RGS5: variants seen among roughly 807,000 people sequenced by gnomAD.
RGS5 encodes the protein regulator of G protein signaling 5.
RGS5 carries 20 observed loss-of-function variants against 18.9 expected under a neutral mutation model. The observed-to-expected ratio is 1.06, with a 90% CI of 0.74 to 1.54. The LOEUF (loss-of-function observed/expected upper bound fraction) is 1.54. Ranked by LOEUF, RGS5 falls within the 40% of genes most tolerant of loss-of-function variation. The probability of loss-of-function intolerance (pLI) is 0.00; values close to 1 mark genes in which losing one functional copy is unlikely to be tolerated. For missense variants in RGS5, 201 were observed against 211.8 expected, an observed-to-expected ratio of 0.95 and a Z score of 0.32; for synonymous variants, 57 against 76.2, an observed-to-expected ratio of 0.75 and a Z score of 1.31.
intron 2 of RGS5, among the ~76,000 whole-genome samples, chr1:163,263,127 T>C (rs1250893681): frequency 6.6e-6 from 1 of 152,186 alleles, no homozygotes; most frequent in Non-Finnish European, 1.5e-5. Context: ...TGGGCAGCTG[T>C]AACTTGCTTA....
chr1:163,201,472 T>A (rs181112776), intron 1 of RGS5, among the ~76,000 whole-genome samples: 52 of 152,278 alleles, frequency 3.4e-4, no homozygotes, highest in Non-Finnish European at 5.0e-4. Flanking sequence ...AAGTTTCTTT[T>A]ATGTAAATTT....
At chr1:163,172,159 A>T (rs1246442561) in intron 1 of RGS5, among the ~76,000 whole-genome samples, 2 of 152,192 alleles carry the variant, frequency 1.3e-5, no homozygotes, top group Non-Finnish European at 2.9e-5. Flanking sequence ...TCCCTTCCAG[A>T]TAGAGGGATG....
intron 2 of RGS5, among the ~76,000 whole-genome samples, chr1:163,285,225 T>A (rs1054830468): frequency 2.6e-5 from 4 of 152,158 alleles, no homozygotes; most frequent in Non-Finnish European, 5.9e-5. Context: ...GTATTAACTT[T>A]TCCTTTGACA....
intron 2 of RGS5, among the ~76,000 whole-genome samples, chr1:163,261,737 C>T (rs1216305678): frequency 6.6e-6 from 1 of 152,094 alleles, no homozygotes; most frequent in East Asian, 1.9e-4. Flanking sequence ...TTTGTCCTTT[C>T]CTAGAATGAC....
intron 1 of RGS5, among the ~76,000 whole-genome samples, chr1:163,315,589 A>C (rs1649998052): frequency 6.6e-6 from 1 of 152,198 alleles, no homozygotes; most frequent in South Asian, 2.1e-4. Flanking sequence ...GATCTTGTTT[A>C]GAGCTCATCA....
intron 1 of RGS5, among the ~76,000 whole-genome samples, chr1:163,188,725 C>T (rs562302163): frequency 5.3e-5 from 8 of 152,080 alleles, no homozygotes; most frequent in Non-Finnish European, 1.0e-4. Flanking sequence ...TTTGGGAGGC[C>T]GAGCCAGGCA....
chr1:163,256,813 T>C (rs1648284171), intron 2 of RGS5, among the ~76,000 whole-genome samples: 1 of 152,150 alleles, frequency 6.6e-6, no homozygotes, highest in Non-Finnish European at 1.5e-5. Flanking sequence ...GGTAAGTGTG[T>C]CTAAGAACAC....
rs897753679 is a variant in RGS5 at position 163,159,878 on chromosome 1, T to TACACATACATACATGTGTATAC, written c.217+2015_217+2036dup. ...TGAAATATTGTGAATATTATATATA[T>TACACATACATACATGTGTATAC]ACACATACATACATGTGTATACACA... On this transcript the variant is annotated intron_variant, in intron 3 of 4. Transcript: ENST00000313961. Among the ~76,000 whole-genome samples the TACACATACATACATGTGTATAC allele has an allele frequency of 7.2e-5, 11 of 152,276 alleles. No individual in the cohort carries two copies. The East Asian group carries it at 1.5e-3, about 21-fold the overall frequency.
At chr1:163,180,440 C>A (rs978636334) in intron 1 of RGS5, among the ~76,000 whole-genome samples, 1 of 152,152 alleles carries the variant, frequency 6.6e-6, no homozygotes, top group Admixed American at 6.5e-5. Flanking sequence ...TTCCTCCTCA[C>A]CTATAATGGT....
chr1:163,169,995 G>T (rs547926116), intron 1 of RGS5, among the ~76,000 whole-genome samples: 1 of 152,050 alleles, frequency 6.6e-6, no homozygotes, highest in Non-Finnish European at 1.5e-5. Context: ...CCTCCATCAC[G>T]GGATGCAACT....
intron 2 of RGS5, among the ~76,000 whole-genome samples, chr1:163,295,150 C>T (rs1649390979): frequency 6.6e-6 from 1 of 152,154 alleles, no homozygotes; most frequent in Non-Finnish European, 1.5e-5. Flanking sequence ...TGCATTTTAC[C>T]TAGTTCCAAA....
At chr1:163,310,368 C>T (rs12733197) in intron 1 of RGS5, among the ~76,000 whole-genome samples, 22,316 of 152,052 alleles carry the variant, frequency 0.15, 1,956 homozygotes, top group Non-Finnish European at 0.19. Flanking sequence ...GGGCGGATCA[C>T]GAGGTCAGGA....
chr1:163,204,953 G>A (rs1659906845), upstream of RGS5, among the ~76,000 whole-genome samples: 1 of 152,114 alleles, frequency 6.6e-6, no homozygotes, highest in Admixed American at 6.6e-5. Flanking sequence ...CTGTCCCAAA[G>A]GAGTTCATGT....
At chr1:163,282,946 T>C (rs980572444) in intron 2 of RGS5, among the ~76,000 whole-genome samples, 1 of 152,010 alleles carries the variant, frequency 6.6e-6, no homozygotes, top group Non-Finnish European at 1.5e-5. Flanking sequence ...TGGAATACTA[T>C]CCAGCCATAA....
chr1:163,316,207 G>A (rs1650015136), intron 1 of RGS5, among the ~76,000 whole-genome samples: 1 of 152,168 alleles, frequency 6.6e-6, no homozygotes, highest in African/African-American at 2.4e-5. Context: ...CATATTAAAT[G>A]CTACCTATGT....
At chr1:163,272,109 A>T (rs3010364) in intron 2 of RGS5, among the ~76,000 whole-genome samples, 140,329 of 151,826 alleles carry the variant, frequency 0.92, 65,529 homozygotes, top group South Asian at 1. Context: ...GTCTGTGTTT[A>T]TTATTATAGA....
At chr1:163,280,033 C>A (rs1362785679) in intron 2 of RGS5, among the ~76,000 whole-genome samples, 1 of 151,888 alleles carries the variant, frequency 6.6e-6, no homozygotes, top group African/African-American at 2.4e-5. Flanking sequence ...CTTCTCCCTG[C>A]AAAAGTCCAA....
At chr1:163,310,399 C>T (rs2101649001) in intron 1 of RGS5, among the ~76,000 whole-genome samples, 1 of 151,138 alleles carries the variant, frequency 6.6e-6, no homozygotes, top group African/African-American at 2.4e-5. Flanking sequence ...ACGGTGAAAC[C>T]CCATCTCTAC....
intron 1 of RGS5, among the ~76,000 whole-genome samples, chr1:163,186,593 AAAAAG>A (rs1659095006): frequency 2.2e-5 from 3 of 138,924 alleles, no homozygotes; most frequent in African/African-American, 5.7e-5. Flanking sequence ...AAAAAAAAAA[AAAAAG>A]AAAAAGAAAA....
Sources: allele counts gnomAD v4.1 joint callset (sites outside exome capture counted in the v4.1 genomes callset), GRCh38; gene constraint gnomAD v4.1.1; transcripts MANE v1.5; gene names NCBI Gene and HGNC (gene_info 2026-07-23, HGNC 2026-07-21).